STAG1: variants seen among roughly 807,000 people sequenced by gnomAD.
STAG1 encodes the protein cohesin subunit SA-1.
STAG1 carries 26 observed loss-of-function variants against 170.9 expected under a neutral mutation model. The observed-to-expected ratio is 0.15, with a 90% CI of 0.11 to 0.21. The LOEUF (loss-of-function observed/expected upper bound fraction) is 0.21. Ranked by LOEUF, STAG1 falls within the 10% of genes least tolerant of loss-of-function variation. The probability of loss-of-function intolerance (pLI) is 1.00; values close to 1 mark genes in which losing one functional copy is unlikely to be tolerated. For missense variants in STAG1, 964 were observed against 1,509.5 expected (o/e 0.64, Z 5.99); for synonymous variants, 514 against 497.7 (o/e 1.03, Z -0.44).
intron 1 of STAG1, chr3:136,737,244 A>T: frequency 1.6e-6 from 1 of 625,522 alleles, no homozygotes; most frequent in Non-Finnish European, 3.0e-6. Context: ...CAGCCCAGCC[A>T]CCACGTGACC....
intron 9 of STAG1, among the ~76,000 whole-genome samples, chr3:136,478,545 T>G (rs2089823040): frequency 1.3e-5 from 2 of 152,234 alleles, no homozygotes; most frequent in African/African-American, 4.8e-5. Context: ...GTTAAAATTT[T>G]AAGTAATTTT....
At chr3:136,419,303 G>A (rs1208190991) in intron 20 of STAG1, among the ~76,000 whole-genome samples, 1 of 152,122 alleles carries the variant, frequency 6.6e-6, no homozygotes, top group Non-Finnish European at 1.5e-5. Context: ...TTTGAATTTT[G>A]AAGTACTGAT....
At chr3:136,703,048 C>T (rs1254151629) in intron 1 of STAG1, among the ~76,000 whole-genome samples, 2 of 112,864 alleles carry the variant, frequency 1.8e-5, no homozygotes, top group African/African-American at 3.6e-5. Flanking sequence ...AGCCTGGCAA[C>T]AGAGGAAGAC....
At chr3:136,573,119 C>T (rs981463888) in intron 4 of STAG1, among the ~76,000 whole-genome samples, 1 of 151,126 alleles carries the variant, frequency 6.6e-6, no homozygotes. Context: ...TTTAAGGTTG[C>T]AATGAACTGT....
At chr3:136,344,372 T>C (rs1936128315) in intron 29 of STAG1, among the ~76,000 whole-genome samples, 1 of 152,146 alleles carries the variant, frequency 6.6e-6, no homozygotes, top group African/African-American at 2.4e-5. Flanking sequence ...CTCTTTTCTT[T>C]GTTCAAGCAA....
At chr3:136,444,112 C>T (rs953028839) in intron 14 of STAG1, among the ~76,000 whole-genome samples, 10 of 151,460 alleles carry the variant, frequency 6.6e-5, no homozygotes, top group African/African-American at 1.9e-4. Context: ...CTTGCTCTAT[C>T]GCCCAAGCTG....
intron 23 of STAG1, among the ~76,000 whole-genome samples, chr3:136,375,979 A>C (rs1937579922): frequency 7.6e-6 from 1 of 131,460 alleles, no homozygotes; most frequent in Non-Finnish European, 1.7e-5. Flanking sequence ...AAAATAAATA[A>C]ATAAATAAAT....
intron 24 of STAG1, among the ~76,000 whole-genome samples, chr3:136,367,729 A>T (rs1937131033): frequency 6.6e-6 from 1 of 152,150 alleles, no homozygotes; most frequent in South Asian, 2.1e-4. Flanking sequence ...GCTCATCCTA[A>T]ACATGGTTAC....
chr3:136,619,442 G>C (rs1416646624), intron 3 of STAG1, among the ~76,000 whole-genome samples: 1 of 151,746 alleles, frequency 6.6e-6, no homozygotes, highest in Non-Finnish European at 1.5e-5. Context: ...ATATTGGGTA[G>C]AGGTGGCGAT....
Position 136,424,019 on chromosome 3 carries a change from A to G in STAG1, c.1651-975T>C, listed in dbSNP as rs568151262. On this transcript the variant is annotated intron_variant, in intron 16 of 33. Coordinates refer to ENST00000383202, the MANE Select transcript of STAG1 (RefSeq NM_005862.3). ...GCTGGGACTATGGGTATGTCCTACC[A>G]TGCATGGCTAATTTTTGTATTTTTG... is the stretch of plus-strand genomic sequence containing the variant. Among the ~76,000 whole-genome samples the G allele has an allele frequency of 3.9e-5, 6 of 152,158 alleles. No homozygotes were observed. The South Asian group carries it at 8.3e-4, about 21-fold the overall frequency.
At chr3:136,437,186 T>C (rs560849515) in intron 15 of STAG1, among the ~76,000 whole-genome samples, 1 of 152,304 alleles carries the variant, frequency 6.6e-6, no homozygotes, top group East Asian at 1.9e-4. Flanking sequence ...CCCATTATAG[T>C]GGGAGTAAAA....
At chr3:136,548,533 G>T (rs1936254601) in intron 5 of STAG1, among the ~76,000 whole-genome samples, 1 of 152,130 alleles carries the variant, frequency 6.6e-6, no homozygotes. Flanking sequence ...GATTCCATAT[G>T]AAGTTCAGAA....
chr3:136,365,004 A>G (rs1937021224), intron 25 of STAG1, among the ~76,000 whole-genome samples: 1 of 152,222 alleles, frequency 6.6e-6, no homozygotes, highest in Non-Finnish European at 1.5e-5. Flanking sequence ...GACTGAACCA[A>G]TTATGTACAA....
chr3:136,431,652 G>GT (rs769254540), intron 16 of STAG1, among the ~76,000 whole-genome samples: 3 of 152,048 alleles, frequency 2.0e-5, no homozygotes, highest in Non-Finnish European at 4.4e-5. Context: ...TCTGGTAATG[G>GT]TTTTTTACAC....
chr3:136,389,050 C>G (rs934186449), intron 22 of STAG1, among the ~76,000 whole-genome samples: 39 of 152,148 alleles, frequency 2.6e-4, no homozygotes, highest in African/African-American at 8.9e-4. Flanking sequence ...CCTGCCTCGG[C>G]CTCCCAAAGT....
chr3:136,527,552 C>A (rs913585470), intron 6 of STAG1, among the ~76,000 whole-genome samples: 1 of 152,132 alleles, frequency 6.6e-6, no homozygotes, highest in Non-Finnish European at 1.5e-5. Context: ...TCCTTTAGCT[C>A]AGAAAAGTTT....
chr3:136,468,947 T>G (rs1209988645), intron 12 of STAG1, among the ~76,000 whole-genome samples: 1 of 152,190 alleles, frequency 6.6e-6, no homozygotes, highest in African/African-American at 2.4e-5. Flanking sequence ...CGCTTCATGC[T>G]AAAAACTCTC....
chr3:136,687,322 T>C (rs1942562069), intron 1 of STAG1, among the ~76,000 whole-genome samples: 1 of 152,238 alleles, frequency 6.6e-6, no homozygotes, highest in Non-Finnish European at 1.5e-5. Flanking sequence ...ATTAAACTAC[T>C]ATATTGTTGG....
intron 3 of STAG1, among the ~76,000 whole-genome samples, chr3:136,612,207 A>G (rs1442613546): frequency 6.6e-6 from 1 of 152,188 alleles, no homozygotes; most frequent in Non-Finnish European, 1.5e-5. Flanking sequence ...ACTTCAGAGC[A>G]TTTCAGATTT....
Sources: allele counts gnomAD v4.1 joint callset (sites outside exome capture counted in the v4.1 genomes callset), GRCh38; gene constraint gnomAD v4.1.1; transcripts MANE v1.5; gene names NCBI Gene and HGNC (gene_info 2026-07-23, HGNC 2026-07-21).